FAM168A: variants seen among roughly 807,000 people sequenced by gnomAD.
FAM168A encodes protein FAM168A.
FAM168A carries 3 observed loss-of-function variants against 28.5 expected under a neutral mutation model. The ratio of observed to expected loss-of-function variants is 0.11; its 90% CI spans 0.05 to 0.27. FAM168A has a LOEUF of 0.27. FAM168A is among the 10% of genes least tolerant of loss of function. The pLI is 1.00. For missense variants in FAM168A, 222 were observed against 311.5 expected, an observed-to-expected ratio of 0.71 and a Z score of 2.16; for synonymous variants, 122 against 124.2, an observed-to-expected ratio of 0.98 and a Z score of 0.12.
chr11:73,472,095 C>T (rs906971380), intron 1 of FAM168A, among the ~76,000 whole-genome samples: 5 of 152,004 alleles, frequency 3.3e-5, no homozygotes, highest in Non-Finnish European at 7.4e-5. Context: ...AATCTAATGC[C>T]CCCCTCTCCC....
intron 4 of FAM168A, among the ~76,000 whole-genome samples, chr11:73,413,056 A>G (rs1468948969): frequency 6.6e-6 from 1 of 152,178 alleles, no homozygotes; most frequent in Non-Finnish European, 1.5e-5. Flanking sequence ...CAAAAATTCC[A>G]TGGTTCTAAA....
At chr11:73,446,917 A>G (rs1867326139) in intron 2 of FAM168A, among the ~76,000 whole-genome samples, 1 of 152,100 alleles carries the variant, frequency 6.6e-6, no homozygotes, top group South Asian at 2.1e-4. Flanking sequence ...GCTTCCCACC[A>G]CCAAGGATAA....
intron 1 of FAM168A, among the ~76,000 whole-genome samples, chr11:73,578,374 AT>A (rs1381366325): frequency 2.0e-5 from 3 of 152,208 alleles, no homozygotes; most frequent in African/African-American, 7.2e-5. Flanking sequence ...CTTTGTGGTG[AT>A]GGTTTCATGG....
chr11:73,422,386 T>C (rs1424945942), intron 3 of FAM168A, among the ~76,000 whole-genome samples: 1 of 152,226 alleles, frequency 6.6e-6, no homozygotes, highest in Non-Finnish European at 1.5e-5. Context: ...TATATTTGAA[T>C]CCTTATAATT....
chr11:73,542,112 T>C (rs1943664927), intron 1 of FAM168A, among the ~76,000 whole-genome samples: 1 of 152,198 alleles, frequency 6.6e-6, no homozygotes, highest in African/African-American at 2.4e-5. Flanking sequence ...GTCCGATCTC[T>C]TCTTTGCTCT....
At chr11:73,485,238 GTAAT>G (rs972181883) in intron 1 of FAM168A, among the ~76,000 whole-genome samples, 4 of 152,138 alleles carry the variant, frequency 2.6e-5, no homozygotes, top group Non-Finnish European at 4.4e-5. Flanking sequence ...CTAAAAAGTA[GTAAT>G]TTCTTACTAA....
intron 1 of FAM168A, among the ~76,000 whole-genome samples, chr11:73,502,806 T>C (rs1414266465): frequency 6.6e-6 from 1 of 152,170 alleles, no homozygotes; most frequent in Non-Finnish European, 1.5e-5. Context: ...TCCACCACGA[T>C]CAAGTCGGTT....
At chr11:73,518,041 T>C (rs1002054201) in intron 1 of FAM168A, among the ~76,000 whole-genome samples, 7 of 152,254 alleles carry the variant, frequency 4.6e-5, no homozygotes, top group Non-Finnish European at 5.9e-5. Context: ...CTAGTACTTG[T>C]TGAAAGCCTG....
At chr11:73,523,816 G>GAT (rs1943415779) in intron 1 of FAM168A, among the ~76,000 whole-genome samples, 2 of 151,488 alleles carry the variant, frequency 1.3e-5, no homozygotes, top group Non-Finnish European at 2.9e-5. Flanking sequence ...ACAGGTAGGA[G>GAT]ATAAATCTTT....
At chr11:73,579,585 C>G (rs543975033) in intron 1 of FAM168A, among the ~76,000 whole-genome samples, 4 of 152,238 alleles carry the variant, frequency 2.6e-5, no homozygotes, top group African/African-American at 7.2e-5. Context: ...TTCCCCCCAC[C>G]CACCATTTAG....
chr11:73,564,441 A>T (rs904143053), intron 1 of FAM168A, among the ~76,000 whole-genome samples: 9 of 152,080 alleles, frequency 5.9e-5, no homozygotes, highest in African/African-American at 2.2e-4. Context: ...CTGGTAGTAA[A>T]AAGAAGGCTA....
At chr11:73,533,441 T>A (rs1480631878) in intron 1 of FAM168A, among the ~76,000 whole-genome samples, 2 of 152,114 alleles carry the variant, frequency 1.3e-5, no homozygotes, top group Non-Finnish European at 2.9e-5. Context: ...GGCCTTACTC[T>A]TCCTTTGAAA....
chr11:73,589,018 A>C (rs1209003167), intron 1 of FAM168A, among the ~76,000 whole-genome samples: 1 of 152,080 alleles, frequency 6.6e-6, no homozygotes, highest in Non-Finnish European at 1.5e-5. Flanking sequence ...CTAACCAAAA[A>C]CTAACCATGC....
chr11:73,422,414 G>C (rs1408649538), intron 3 of FAM168A, among the ~76,000 whole-genome samples: 2 of 152,116 alleles, frequency 1.3e-5, no homozygotes, highest in African/African-American at 4.8e-5. Context: ...CTAGATAAAT[G>C]TGAAAACACA....
At chr11:73,461,143 C>T (rs1268578846) in intron 2 of FAM168A, among the ~76,000 whole-genome samples, 2 of 151,844 alleles carry the variant, frequency 1.3e-5, no homozygotes. Context: ...AAGACAAGGT[C>T]TCCACTCTTG....
intron 1 of FAM168A, among the ~76,000 whole-genome samples, chr11:73,526,981 C>T (rs1055356597): frequency 6.6e-6 from 1 of 151,556 alleles, no homozygotes; most frequent in African/African-American, 2.4e-5. Flanking sequence ...CACAGGTTAG[C>T]TTTGCGGGGA....
In FAM168A at chr11:73,547,245, T is replaced by A. The variant is rs551093523; in HGVS notation, c.-19+50678A>T. On this transcript the variant is annotated intron_variant, in intron 1 of 7. Transcript: ENST00000356467. ...GGAAAAAAGAAGAAATACAAATAGC[T>A]AACATGCATTTTAAAAGACCATTAG... 3.3e-5 allele frequency among the ~76,000 whole-genome samples: 5 copies of A among 151,280 alleles called. No homozygotes were observed. In the East Asian group the frequency reaches 7.7e-4, roughly 23 times the overall value.
At chr11:73,575,349 A>G (rs1389127789) in intron 1 of FAM168A, among the ~76,000 whole-genome samples, 1 of 152,218 alleles carries the variant, frequency 6.6e-6, no homozygotes, top group Non-Finnish European at 1.5e-5. Context: ...ATTAATTCAC[A>G]TATAATATTA....
intron 1 of FAM168A, among the ~76,000 whole-genome samples, chr11:73,533,566 CCA>C (rs139010703): frequency 0.26 from 32,645 of 124,056 alleles, 5,963 homozygotes; most frequent in African/African-American, 0.56. Flanking sequence ...GGAGAAAAGG[CCA>C]AAAAAAAAAT....
Sources: allele counts gnomAD v4.1 joint callset (sites outside exome capture counted in the v4.1 genomes callset), GRCh38; gene constraint gnomAD v4.1.1; transcripts MANE v1.5; gene names NCBI Gene and HGNC (gene_info 2026-07-23, HGNC 2026-07-21).